HIGD1C: variants seen among roughly 807,000 people sequenced by gnomAD.
HIGD1C encodes the protein HIG1 domain family member 1C.
A neutral mutation model predicts 13.1 loss-of-function variants in HIGD1C; 11 were observed. The ratio of observed to expected loss-of-function variants is 0.84; its 90% CI spans 0.53 to 1.39. HIGD1C has a LOEUF of 1.39. HIGD1C is among the 40% of genes most tolerant of loss of function. The probability of loss-of-function intolerance (pLI) is 0.00; values close to 1 mark genes in which losing one functional copy is unlikely to be tolerated. For missense variants in HIGD1C, 110 were observed against 112.0 expected (o/e 0.98, Z 0.08); for synonymous variants, 36 against 37.7 (o/e 0.95, Z 0.17).
chr12:50,963,009 T>G (rs1451268162), intron 2 of HIGD1C, among the ~76,000 whole-genome samples: 3 of 134,636 alleles, frequency 2.2e-5, no homozygotes, highest in African/African-American at 9.1e-5. Flanking sequence ...ACTTATATAA[T>G]TATGAGGCTC....
rs71089717 is a variant in HIGD1C at position 50,957,937 on chromosome 12, G to GGTGTGTGTGTGTGTGTGTGTGT, written c.95-3004_95-2983dup. Among the ~76,000 whole-genome samples, 58 of 132,408 alleles carry GGTGTGTGTGTGTGTGTGTGTGT rather than the reference G, an allele frequency of 4.4e-4. 1 individual carries two copies. Among genetic ancestry groups the GGTGTGTGTGTGTGTGTGTGTGT allele is most frequent in the African/African-American group, 1.1e-3 (40 of 36,560 alleles). 86.9% of individuals were successfully genotyped at this position (132,408 alleles called of 152,430 possible). On this transcript the variant is annotated intron_variant, in intron 1 of 2. Transcript: ENST00000398455. ...GAGACTACTGTATTCATGAATTGGA[G>GGTGTGTGTGTGTGTGTGTGTGT]GTGTGTGTGTGTGTGTGTGTGTGTG...
chr12:50,942,823 T>A, the HIGD1C span, among the ~76,000 whole-genome samples: 577 of 151,356 alleles, frequency 3.8e-3, 7 homozygotes, highest in African/African-American at 0.013. Context: ...CTGATTGTGC[T>A]ACAGCACTCC....
the HIGD1C span, among the ~76,000 whole-genome samples, chr12:50,938,368 A>G: frequency 1.3e-5 from 2 of 152,186 alleles, no homozygotes; most frequent in African/African-American, 4.8e-5. Context: ...CACCAGAGCG[A>G]GTACTGGGAG....
chr12:50,960,212 C>G (rs1022713243), intron 1 of HIGD1C, among the ~76,000 whole-genome samples: 1 of 152,194 alleles, frequency 6.6e-6, no homozygotes, highest in African/African-American at 2.4e-5. Flanking sequence ...ACCTTTTCAT[C>G]TCTCACTAAA....
At chr12:50,933,347 G>A in the HIGD1C span, among the ~76,000 whole-genome samples, 1 of 152,188 alleles carries the variant, frequency 6.6e-6, no homozygotes, top group Non-Finnish European at 1.5e-5. Flanking sequence ...AGAAAAAAAG[G>A]CAAAACATGT....
At chr12:50,935,208 C>G in the HIGD1C span, 1 of 152,160 alleles carries the variant, frequency 6.6e-6, no homozygotes, top group African/African-American at 2.4e-5. Context: ...AAAAGGCAAA[C>G]TGTTCAGTAT....
At chr12:50,942,232 G>A in the HIGD1C span, among the ~76,000 whole-genome samples, 1 of 152,136 alleles carries the variant, frequency 6.6e-6, no homozygotes, top group East Asian at 1.9e-4. Flanking sequence ...CTGAGTGAGG[G>A]GGACCTTTTA....
chr12:50,947,563 A>G, the HIGD1C span, among the ~76,000 whole-genome samples: 1 of 152,164 alleles, frequency 6.6e-6, no homozygotes, highest in African/African-American at 2.4e-5. Flanking sequence ...ATAGTCCAGG[A>G]CAATCTCTCA....
downstream of HIGD1C, among the ~76,000 whole-genome samples, chr12:50,971,530 G>A (rs970922478): frequency 6.6e-6 from 1 of 152,148 alleles, no homozygotes; most frequent in African/African-American, 2.4e-5. Flanking sequence ...AATGTGGTAC[G>A]ACACTGTAGA....
the HIGD1C span, among the ~76,000 whole-genome samples, chr12:50,942,847 C>G: frequency 6.1e-4 from 92 of 150,378 alleles, 1 homozygote; most frequent in African/African-American, 2.2e-3. Flanking sequence ...CTAGACAGAG[C>G]CAAATGCAGT....
At chr12:50,934,674 G>C in the HIGD1C span, among the ~76,000 whole-genome samples, 1 of 152,196 alleles carries the variant, frequency 6.6e-6, no homozygotes, top group East Asian at 1.9e-4. Context: ...CATCTGAGCT[G>C]AATTCCAAAG....
chr12:50,936,550 TC>T, the HIGD1C span, among the ~76,000 whole-genome samples: 1 of 152,228 alleles, frequency 6.6e-6, no homozygotes, highest in South Asian at 2.1e-4. Flanking sequence ...ACACCAGTGT[TC>T]CCATGCAGTT....
intron 2 of HIGD1C, among the ~76,000 whole-genome samples, chr12:50,963,463 C>CA (rs1436845361): frequency 6.6e-6 from 1 of 150,918 alleles, no homozygotes; most frequent in African/African-American, 2.4e-5. Flanking sequence ...GAACAATACA[C>CA]AGGACAGACT....
chr12:50,946,358 T>C, the HIGD1C span, among the ~76,000 whole-genome samples: 2 of 152,188 alleles, frequency 1.3e-5, no homozygotes, highest in African/African-American at 4.8e-5. Flanking sequence ...ATCCAGAATC[T>C]ACAAAGAACT....
At chr12:50,953,827 C>T (rs981228410), upstream of HIGD1C, 7 of 520,180 alleles carry the variant, frequency 1.3e-5, no homozygotes, top group Admixed American at 6.8e-5. Context: ...TGAAAAAATT[C>T]GGTAGTGAAA....
chr12:50,972,351 A>G (rs1939783306), downstream of HIGD1C, among the ~76,000 whole-genome samples: 1 of 152,248 alleles, frequency 6.6e-6, no homozygotes, highest in Non-Finnish European at 1.5e-5. Flanking sequence ...AGCAATGCTA[A>G]GTATTCATTT....
chr12:50,957,355 C>A (rs1939137123), intron 1 of HIGD1C, among the ~76,000 whole-genome samples: 1 of 151,710 alleles, frequency 6.6e-6, no homozygotes, highest in African/African-American at 2.4e-5. Flanking sequence ...TGCGCCACCA[C>A]ACCTGGCTAA....
intron 1 of HIGD1C, chr12:50,954,317 C>A: frequency 2.3e-6 from 1 of 433,244 alleles, no homozygotes; most frequent in East Asian, 3.7e-5. Flanking sequence ...CTATTTTATC[C>A]ATTTCATTAG....
intron 1 of HIGD1C, among the ~76,000 whole-genome samples, chr12:50,955,532 G>A (rs969242274): frequency 4.6e-5 from 7 of 152,142 alleles, no homozygotes; most frequent in Admixed American, 4.6e-4. Context: ...AAATCAGACT[G>A]ACATAAGTTT....
Sources: gnomAD v4.1 joint callset for allele counts (sites outside exome capture counted in the v4.1 genomes callset) on GRCh38, gnomAD v4.1.1 for gene constraint, MANE v1.5 for transcripts, NCBI Gene and HGNC (gene_info 2026-07-23, HGNC 2026-07-21) for gene names.